EMID1: variants seen among roughly 807,000 people sequenced by gnomAD.
EMID1 encodes EMI domain-containing protein 1.
A neutral mutation model predicts 60.6 loss-of-function variants in EMID1; 40 were observed. The ratio of observed to expected loss-of-function variants is 0.66; its 90% CI spans 0.51 to 0.86. The LOEUF (loss-of-function observed/expected upper bound fraction) is 0.86. Among genes scored for constraint, EMID1 ranks in the 40% least tolerant of loss-of-function variants. The pLI is 0.00. For synonymous variants in EMID1, 242 were observed against 231.0 expected (o/e 1.05, Z -0.43); for missense variants, 585 against 597.1 (o/e 0.98, Z 0.21).
intron 13 of EMID1, among the ~76,000 whole-genome samples, chr22:29,248,553 A>C (rs1003965822): frequency 6.6e-6 from 1 of 152,192 alleles, no homozygotes; most frequent in Non-Finnish European, 1.5e-5. Flanking sequence ...AATTTAAAGT[A>C]TAGTATATGA....
Position 29,226,540 on chromosome 22 carries a change from C to G in EMID1, c.454C>G (p.Leu152Val), listed in dbSNP as rs777283594. Residue 152 changes from leucine (L) to valine (V), a missense_variant, in exon 5 of 15, where the codon CTG (leucine) becomes GTG (valine). By Grantham distance (32) the Leu-to-Val change is conservative. Transcript: ENST00000334018. ...VSELTERLKVLEAKMTMLTVI... is the reference protein window; with the variant it reads ...VSELTERLKVVEAKMTMLTVI... ...AGAGCTGACAGAGCGGCTGAAGGTGCTGGAGGCCAAGGTGGGTGAGCAGCT... is the reference window on the plus strand; with the variant it reads ...AGAGCTGACAGAGCGGCTGAAGGTGGTGGAGGCCAAGGTGGGTGAGCAGCT... 57 of 1,612,008 alleles carry G rather than the reference C, an allele frequency of 3.5e-5. No homozygotes were observed. The highest frequency in any genetic ancestry group is 4.8e-5 in the Non-Finnish European group (57 of 1,179,226).
Position 29,206,067 on chromosome 22 carries a change from TCTGCCTCGGGCTC to T in EMID1, c.34_46del (p.Leu12SerfsTer26). ...GGCGGCCCGCGGGCTTGGGCGCTGC[TCTGCCTCGGGCTC>T]CTGCTCCCGGGAGGCGGCGCTGCGT... On this transcript the variant is annotated frameshift_variant, in exon 1 of 15. Coordinates refer to ENST00000334018, the MANE Select transcript of EMID1 (RefSeq NM_133455.4). LOFTEE classifies it high-confidence loss of function. The T allele has an allele frequency of 8.1e-7, 1 of 1,230,072 alleles. No homozygotes were observed. The highest frequency in any genetic ancestry group is 1.0e-6 in the Non-Finnish European group (1 of 987,008). 76.2% of individuals were successfully genotyped at this position (1,230,072 alleles called of 1,614,324 possible). A position where few individuals can be genotyped will look rare whatever the true frequency, so the allele number is the denominator to read the frequency against.
chr22:29,252,963 T>C (rs2041579363), intron 13 of EMID1, among the ~76,000 whole-genome samples: 1 of 152,224 alleles, frequency 6.6e-6, no homozygotes, highest in Non-Finnish European at 1.5e-5. Flanking sequence ...TAAGCGCAAG[T>C]TCTCCAAAAG....
At chr22:29,250,527 A>G (rs1251355124) in intron 13 of EMID1, among the ~76,000 whole-genome samples, 2 of 151,366 alleles carry the variant, frequency 1.3e-5, no homozygotes, top group Admixed American at 6.6e-5. Context: ...CCCATTGTCC[A>G]TGCCAGGAAT....
At chr22:29,213,322 C>T (rs970587868) in intron 1 of EMID1, among the ~76,000 whole-genome samples, 1 of 152,208 alleles carries the variant, frequency 6.6e-6, no homozygotes, top group African/African-American at 2.4e-5. Context: ...ATGGCAGGCA[C>T]CTGTCACCTC....
At chr22:29,228,485 C>T (rs1203703649) in intron 5 of EMID1, among the ~76,000 whole-genome samples, 1 of 152,196 alleles carries the variant, frequency 6.6e-6, no homozygotes, top group Non-Finnish European at 1.5e-5. Context: ...ACTTAAGCAT[C>T]CTTTCTTCCA....
intron 3 of EMID1, chr22:29,216,500 C>G: frequency 9.1e-6 from 9 of 985,486 alleles, no homozygotes; most frequent in Non-Finnish European, 1.1e-5. Flanking sequence ...GGGACAGAAG[C>G]ATTCAGGGCC....
chr22:29,234,492 T>C (rs1173151828), intron 12 of EMID1, 143 bp downstream of exon 12: 8 of 984,178 alleles, frequency 8.1e-6, no homozygotes, highest in Non-Finnish European at 1.2e-5. Flanking sequence ...TCTCTGAGAC[T>C]CATTGTCCTC....
At chr22:29,224,865 G>T (rs1482153682) in intron 3 of EMID1, among the ~76,000 whole-genome samples, 2 of 152,204 alleles carry the variant, frequency 1.3e-5, no homozygotes, top group African/African-American at 4.8e-5. Flanking sequence ...AGCCCATGAG[G>T]CTGGTTGGGG....
intron 13 of EMID1, 103 bp downstream of exon 13, chr22:29,243,592 C>T: frequency 7.6e-7 from 1 of 1,307,352 alleles, no homozygotes; most frequent in South Asian, 1.2e-5. Flanking sequence ...GCATCCCATC[C>T]ACATCCCCAC....
chr22:29,223,440 T>C (rs2040375535), intron 3 of EMID1, among the ~76,000 whole-genome samples: 2 of 152,294 alleles, frequency 1.3e-5, no homozygotes, highest in South Asian at 4.1e-4. Flanking sequence ...TAAAATGACA[T>C]CACATCTCCA....
chr22:29,206,072 C>G lies in EMID1; in HGVS notation c.34C>G (p.Leu12Val), dbSNP rs2039635693. ...CCCGCGGGCTTGGGCGCTGCTCTGCCTCGGGCTCCTGCTCCCGGGAGGCGG... is the reference window on the plus strand; with the variant it reads ...CCCGCGGGCTTGGGCGCTGCTCTGCGTCGGGCTCCTGCTCCCGGGAGGCGG... ...GGPRAWALLC[L>V]GLLLPGGGAA... The change falls in exon 1 of 15, where the codon CTC becomes GTC. Residue 12 changes from leucine (L) to valine (V), a missense_variant. By Grantham distance (32) the Leu-to-Val change is conservative. Coordinates refer to ENST00000334018, the MANE Select transcript of EMID1 (RefSeq NM_133455.4). 14 of 1,230,370 alleles carry G rather than the reference C, an allele frequency of 1.1e-5. No homozygotes were observed. Among genetic ancestry groups the G allele is most frequent in the Non-Finnish European group, 1.3e-5 (13 of 987,152 alleles). 76.2% of individuals were successfully genotyped at this position (1,230,370 alleles called of 1,614,324 possible).
chr22:29,231,161 C>A, intron 6 of EMID1, 21 bp downstream of exon 6: 7 of 1,576,520 alleles, frequency 4.4e-6, no homozygotes, highest in Non-Finnish European at 6.0e-6. Flanking sequence ...GACTCAGACT[C>A]CCCTGTGGGA....
At position 29,231,107 on chromosome 22, in the gene EMID1, G is replaced by A. The variant is rs2040723665; in HGVS notation, c.553G>A (p.Ala185Thr). 14 of 1,610,750 alleles carry A rather than the reference G, an allele frequency of 8.7e-6. No individual in the cohort carries two copies. Among genetic ancestry groups the A allele is most frequent in the Non-Finnish European group, 1.2e-5 (14 of 1,178,706 alleles). Reference sequence around the variant, plus strand: ...TGCCCCGCTCTGGGGTCCCCCTCCTGCCCAGGGCAGCCCCGGAGATGGAGG... The same window carrying A: ...TGCCCCGCTCTGGGGTCCCCCTCCTACCCAGGGCAGCCCCGGAGATGGAGG... ...DPAPLWGPPP[A>T]QGSPGDGGLQ... Residue 185 changes from alanine (A) to threonine (T), a missense_variant, in exon 6 of 15, where the codon GCC (alanine) becomes ACC (threonine). Transcript: ENST00000334018.
chr22:29,214,442 A>C (rs1378566762), intron 1 of EMID1, among the ~76,000 whole-genome samples: 1 of 152,120 alleles, frequency 6.6e-6, no homozygotes, highest in African/African-American at 2.4e-5. Context: ...GTGTGGGTAC[A>C]GGAGATCCTG....
intron 1 of EMID1, among the ~76,000 whole-genome samples, chr22:29,213,223 G>A (rs1411145463): frequency 6.6e-6 from 1 of 152,118 alleles, no homozygotes; most frequent in Admixed American, 6.5e-5. Flanking sequence ...CAGAGACCTC[G>A]GGCTTTGTCA....
At chr22:29,242,169 C>T (rs956341951) in intron 12 of EMID1, among the ~76,000 whole-genome samples, 1 of 152,110 alleles carries the variant, frequency 6.6e-6, no homozygotes, top group African/African-American at 2.4e-5. Flanking sequence ...ATCCTCCCAC[C>T]TTGGCTAGGG....
intron 3 of EMID1, among the ~76,000 whole-genome samples, chr22:29,220,073 G>T (rs534138709): frequency 6.6e-6 from 1 of 151,942 alleles, no homozygotes; most frequent in Admixed American, 6.6e-5. Context: ...AGCCAACATG[G>T]CTGCCTCCTC....
intron 1 of EMID1, among the ~76,000 whole-genome samples, chr22:29,212,435 T>C (rs1029836676): frequency 6.6e-6 from 1 of 151,942 alleles, no homozygotes; most frequent in Non-Finnish European, 1.5e-5. Context: ...GGAGAAACAT[T>C]TCTAGCCTAG....
Sources: gnomAD v4.1 joint callset for allele counts (sites outside exome capture counted in the v4.1 genomes callset) on GRCh38, gnomAD v4.1.1 for gene constraint, MANE v1.5 for transcripts, NCBI Gene and HGNC (gene_info 2026-07-23, HGNC 2026-07-21) for gene names.